ATOH8: variants seen among roughly 807,000 people sequenced by gnomAD.
ATOH8 encodes atonal bHLH transcription factor 8.
ATOH8 carries 9 observed loss-of-function variants against 21.2 expected under a neutral mutation model. That is an observed-to-expected ratio of 0.42 (90% CI 0.26 to 0.74). The LOEUF (loss-of-function observed/expected upper bound fraction) is 0.74, where lower values mean the gene tolerates loss of function less well. Among genes scored for constraint, ATOH8 ranks in the 30% least tolerant of loss-of-function variants. The pLI, the probability that ATOH8 is intolerant of heterozygous loss-of-function variation, is 0.24. For synonymous variants in ATOH8, 253 were observed against 224.0 expected (o/e 1.13, Z -1.16); for missense variants, 524 against 470.9 (o/e 1.11, Z -1.04).
chr2:85,754,175 C>A lies in ATOH8; in HGVS notation c.-15C>A. 3 of 1,549,332 alleles carry A rather than the reference C, an allele frequency of 1.9e-6. No individual in the cohort carries two copies. Among genetic ancestry groups the A allele is most frequent in the Non-Finnish European group, 2.6e-6 (3 of 1,152,314 alleles). On this transcript the variant is annotated 5_prime_UTR_variant, in exon 1 of 3. Coordinates refer to ENST00000306279, the MANE Select transcript of ATOH8 (RefSeq NM_032827.7). ...CGGGCAGCCCCACGCCCCTGCCTCG[C>A]GCGCCGCCCGCGCCATGAAGCACAT...
chr2:85,768,963 C>T (rs1031932624), intron 2 of ATOH8, among the ~76,000 whole-genome samples: 10 of 152,168 alleles, frequency 6.6e-5, no homozygotes, highest in African/African-American at 2.2e-4. Context: ...CGGCTGCAGC[C>T]GGAGATAATG....
In ATOH8 at chr2:85,754,246, G is replaced by A. The variant is rs756825210; in HGVS notation, c.57G>A (p.Glu19=). The A allele has an allele frequency of 1.1e-5, 18 of 1,609,212 alleles. No individual in the cohort carries two copies. The Admixed American group carries it at 3.0e-4, about 27-fold the overall frequency. ...CGTGGAAGACCGTGTGCGTGAAGGA[G>A]CTGAACGGCCTTAAGAAGCTCAAGC... ...DGPWKTVCVK[E]LNGLKKLKRK... is the part of the protein sequence containing the mutation. Residue 19 remains glutamate (E), a synonymous_variant, in exon 1 of 3, where the codon GAG becomes GAA. Coordinates refer to ENST00000306279, the MANE Select transcript of ATOH8 (RefSeq NM_032827.7).
At chr2:85,780,072 G>A (rs34027204) in intron 2 of ATOH8, among the ~76,000 whole-genome samples, 32,632 of 152,122 alleles carry the variant, frequency 0.21, 3,680 homozygotes, top group African/African-American at 0.24. Context: ...GGGCTGGTGG[G>A]GGTAAGAGGG....
chr2:85,763,821 C>CGTGTG (rs1553392499), intron 1 of ATOH8, among the ~76,000 whole-genome samples, 170 bp from the exon 2 acceptor site: 1 of 143,768 alleles, frequency 7.0e-6, no homozygotes, highest in Non-Finnish European at 1.5e-5. Flanking sequence ...GATGAGCTGA[C>CGTGTG]GTGTGTGTGT....
Position 85,785,989 on chromosome 2 carries a change from A to G in ATOH8, c.961-896A>G, listed in dbSNP as rs1680613065. Among the ~76,000 whole-genome samples, 1 of 152,102 alleles carries G rather than the reference A, an allele frequency of 6.6e-6. No individual in the cohort carries two copies. Among genetic ancestry groups the G allele is most frequent in the Non-Finnish European group, 1.5e-5 (1 of 68,002 alleles). Reference sequence around the variant, plus strand: ...CCGGCTCTGACCTCCCCAGAGAGCTAAAACCCCACAGGCCCCATGACCTTG... The same window carrying G: ...CCGGCTCTGACCTCCCCAGAGAGCTGAAACCCCACAGGCCCCATGACCTTG... On this transcript the variant is annotated intron_variant, in intron 2 of 2. Coordinates refer to ENST00000306279, the MANE Select transcript of ATOH8 (RefSeq NM_032827.7). The surrounding 1 kb of genome is among the most constrained non-coding windows in gnomAD (Gnocchi z 4.1).
chr2:85,754,017 C>A lies in ATOH8; in HGVS notation c.-173C>A. The A allele has an allele frequency of 1.5e-6, 1 of 680,830 alleles. No individual in the cohort carries two copies. The highest frequency in any genetic ancestry group is 2.2e-6 in the Non-Finnish European group (1 of 450,414). The allele number at this position is 680,830 out of a possible 1,614,324, so 42.2% of individuals were successfully genotyped here. A position where few individuals can be genotyped will look rare whatever the true frequency, so the allele number is the denominator to read the frequency against. On this transcript the variant is annotated 5_prime_UTR_variant, in exon 1 of 3. Coordinates refer to ENST00000306279, the MANE Select transcript of ATOH8 (RefSeq NM_032827.7). Reference sequence around the variant, plus strand: ...GATGACACTCTGAGCGCTCCGGGAACGGACAGCCCGGCGGCTTCCCGAAGC... The same window carrying A: ...GATGACACTCTGAGCGCTCCGGGAAAGGACAGCCCGGCGGCTTCCCGAAGC...
chr2:85,782,620 C>T (rs899150489), intron 2 of ATOH8, among the ~76,000 whole-genome samples: 3 of 152,172 alleles, frequency 2.0e-5, no homozygotes, highest in Admixed American at 2.0e-4. Flanking sequence ...ATATATAAAG[C>T]CACAGTGAGT....
intron 1 of ATOH8, among the ~76,000 whole-genome samples, chr2:85,757,961 A>AT (rs1213251918): frequency 2.0e-5 from 3 of 151,548 alleles, no homozygotes; most frequent in African/African-American, 7.3e-5. Flanking sequence ...AATTTTTTGT[A>AT]TTTTAGTAGG....
At position 85,754,397 on chromosome 2, in the gene ATOH8, G is replaced by A. The variant is rs1183616663; in HGVS notation, c.208G>A (p.Val70Ile). 8 of 1,573,550 alleles carry A rather than the reference G, an allele frequency of 5.1e-6. No homozygotes were observed. The highest frequency in any genetic ancestry group is 1.8e-5 in the Admixed American group (1 of 55,370). ...LRDRTHRLQP[V>I]PVPVPVPVPV... is the part of the protein sequence containing the mutation. Reference sequence around the variant, plus strand: ...GGACAGGACCCATCGGCTGCAGCCGGTCCCGGTACCGGTGCCGGTGCCAGT... The same window carrying A: ...GGACAGGACCCATCGGCTGCAGCCGATCCCGGTACCGGTGCCGGTGCCAGT... The change falls in exon 1 of 3, where the codon GTC (valine) becomes ATC (isoleucine). Residue 70 changes from valine to isoleucine, a missense_variant. Val to Ile is a conservative substitution (Grantham distance 29). Coordinates refer to ENST00000306279, the MANE Select transcript of ATOH8 (RefSeq NM_032827.7).
In ATOH8 at chr2:85,764,044, C is replaced by T. The variant is rs368577158; in HGVS notation, c.822C>T (p.Ile274=). The T allele has an allele frequency of 2.0e-5, 33 of 1,614,070 alleles. No homozygotes were observed. The highest frequency in any genetic ancestry group is 1.6e-4 in the Middle Eastern group (1 of 6,084). Residue 274 remains isoleucine (I), a synonymous_variant, in exon 2 of 3, where the codon ATC becomes ATT. Coordinates refer to ENST00000306279, the MANE Select transcript of ATOH8 (RefSeq NM_032827.7). ...TGTCCAAACTGGCCATCCTGAGGAT[C>T]GCCTGTAACTACATCCTGTCCCTGG... ...QKLSKLAILR[I]ACNYILSLAR...
At chr2:85,780,918 G>A (rs1680467706) in intron 2 of ATOH8, 1 of 986,598 alleles carries the variant, frequency 1.0e-6, no homozygotes, top group African/African-American at 1.7e-5. Context: ...ACCCAGGCCA[G>A]GCAGGCAGGA....
intron 2 of ATOH8, among the ~76,000 whole-genome samples, chr2:85,777,804 G>A (rs868224419): frequency 1.4e-4 from 21 of 152,216 alleles, no homozygotes; most frequent in Non-Finnish European, 2.6e-4. Flanking sequence ...GGAGCCTGGC[G>A]TGGTCTAAAC....
rs369104506 is a variant in ATOH8, at chr2:85,786,901, G to T, written c.*11G>T. On this transcript the variant is annotated 3_prime_UTR_variant, in exon 3 of 3. Transcript: ENST00000306279. ...GTCTTTCAGGAGTGACTGGCTGCAG[G>T]CAAGACCAAGGCCACCACTGTGGGC... 1 of 1,614,156 alleles carries T rather than the reference G, an allele frequency of 6.2e-7. No individual in the cohort carries two copies. The highest frequency in any genetic ancestry group is 1.7e-5 in the Admixed American group (1 of 60,022).
At chr2:85,777,784 A>T (rs1389793459) in intron 2 of ATOH8, among the ~76,000 whole-genome samples, 1 of 152,210 alleles carries the variant, frequency 6.6e-6, no homozygotes, top group Non-Finnish European at 1.5e-5. Context: ...GGATCCCCAG[A>T]GCCTCCAGTG....
At chr2:85,762,946 T>C (rs1679905157) in intron 1 of ATOH8, among the ~76,000 whole-genome samples, 1 of 151,966 alleles carries the variant, frequency 6.6e-6, no homozygotes, top group Non-Finnish European at 1.5e-5. Flanking sequence ...TGGTGGGCGC[T>C]CACTAAATAC....
Position 85,786,989 on chromosome 2 carries a change from C to A in ATOH8, c.*99C>A. On this transcript the variant is annotated 3_prime_UTR_variant, in exon 3 of 3. Coordinates refer to ENST00000306279, the MANE Select transcript of ATOH8 (RefSeq NM_032827.7). ...CTGAGTCCAGCCTCGTGGTCTTCTC[C>A]AAGATGCCGCCAGATGCCCAGCCTA... 2 of 1,520,560 alleles carry A rather than the reference C, an allele frequency of 1.3e-6. No individual in the cohort carries two copies. The highest frequency in any genetic ancestry group is 1.1e-5 in the South Asian group (1 of 87,214). The allele number at this position is 1,520,560 out of a possible 1,614,324, so 94.2% of individuals were successfully genotyped here. A position where few individuals can be genotyped will look rare whatever the true frequency, so the allele number is the denominator to read the frequency against.
At chr2:85,765,666 C>T (rs867099334) in intron 2 of ATOH8, among the ~76,000 whole-genome samples, 20 of 151,980 alleles carry the variant, frequency 1.3e-4, no homozygotes, top group African/African-American at 3.4e-4. Context: ...AGTGGGCAGG[C>T]GCCCCGTCTC....
At chr2:85,757,329 C>T (rs1217334901) in intron 1 of ATOH8, among the ~76,000 whole-genome samples, 1 of 152,248 alleles carries the variant, frequency 6.6e-6, no homozygotes, top group African/African-American at 2.4e-5. Context: ...TCTGGAGGAG[C>T]CCCTTCCTCC....
chr2:85,779,942 GGGACCGT>G (rs1328131129), intron 2 of ATOH8, among the ~76,000 whole-genome samples: 1 of 152,194 alleles, frequency 6.6e-6, no homozygotes, highest in Non-Finnish European at 1.5e-5. Flanking sequence ...GGTAGGTGAA[GGGACCGT>G]GGCAATCACA....
Sources: gnomAD v4.1 joint callset for allele counts (sites outside exome capture counted in the v4.1 genomes callset) on GRCh38, gnomAD v4.1.1 for gene constraint, Gnocchi (gnomAD v3.1) non-coding constraint, MANE v1.5 for transcripts, NCBI Gene and HGNC (gene_info 2026-07-23, HGNC 2026-07-21) for gene names.